The following DPYD variants were observed in gnomAD, a reference collection of about 807,000 sequenced individuals.
DPYD encodes the protein dihydropyrimidine dehydrogenase.
DPYD carries 109 observed loss-of-function variants against 116.2 expected under a neutral mutation model. That is an observed-to-expected ratio of 0.94 (90% CI 0.80 to 1.10). The LOEUF is 1.10. Among genes scored for constraint, DPYD ranks in the 50% least tolerant of loss-of-function variants. The probability of loss-of-function intolerance (pLI) is 0.00; values close to 1 mark genes in which losing one functional copy is unlikely to be tolerated. For missense variants in DPYD, 1,302 were observed against 1,254.5 expected (o/e 1.04, Z -0.57); for synonymous variants, 440 against 432.0 (o/e 1.02, Z -0.23).
chr1:97,821,663 A>G (rs1444653279), intron 3 of DPYD, among the ~76,000 whole-genome samples: 2 of 152,158 alleles, frequency 1.3e-5, no homozygotes, highest in East Asian at 1.9e-4. Flanking sequence ...ATGGCACTAC[A>G]ATAGACTATG....
chr1:97,709,972 T>C (rs1453942953), intron 5 of DPYD, among the ~76,000 whole-genome samples: 1 of 151,844 alleles, frequency 6.6e-6, no homozygotes, highest in Admixed American at 6.6e-5. Context: ...AGAACATCTC[T>C]ACTAGTTGAA....
At chr1:97,242,867 A>G (rs1179044697) in intron 18 of DPYD, among the ~76,000 whole-genome samples, 4 of 151,806 alleles carry the variant, frequency 2.6e-5, no homozygotes, top group Admixed American at 6.6e-5. Context: ...TCTTTCTCAC[A>G]CACATATCAT....
At chr1:97,711,670 T>C (rs964025638) in intron 5 of DPYD, among the ~76,000 whole-genome samples, 13 of 152,044 alleles carry the variant, frequency 8.6e-5, no homozygotes, top group Non-Finnish European at 1.8e-4. Flanking sequence ...ATAAACTTTA[T>C]ACAAATAAAC....
intron 8 of DPYD, among the ~76,000 whole-genome samples, chr1:97,609,554 T>C (rs565144325): frequency 6.6e-6 from 1 of 152,142 alleles, no homozygotes; most frequent in African/African-American, 2.4e-5. Context: ...GGACTAGGTA[T>C]CCTTATGCTC....
intron 19 of DPYD, among the ~76,000 whole-genome samples, chr1:97,224,976 C>A (rs912982783): frequency 6.6e-6 from 1 of 151,444 alleles, no homozygotes; most frequent in African/African-American, 2.4e-5. Flanking sequence ...TATGGGAGTA[C>A]AGATCTATCT....
intron 8 of DPYD, among the ~76,000 whole-genome samples, chr1:97,615,860 G>T (rs1193811188): frequency 6.6e-6 from 1 of 151,986 alleles, no homozygotes; most frequent in Non-Finnish European, 1.5e-5. Flanking sequence ...TTTGAATTCT[G>T]TCCTATAGTG....
At chr1:97,103,018 G>A (rs1650861807) in intron 20 of DPYD, among the ~76,000 whole-genome samples, 1 of 152,070 alleles carries the variant, frequency 6.6e-6, no homozygotes, top group Admixed American at 6.6e-5. Flanking sequence ...TATGGGAGCA[G>A]TGTGGTATAA....
intron 1 of DPYD, chr1:97,883,748 C>A: frequency 2.7e-6 from 1 of 367,572 alleles, no homozygotes; most frequent in Non-Finnish European, 5.2e-6. Context: ...TGTCTGGTAG[C>A]ATTTTTAGGA....
At position 97,289,333 on chromosome 1, in the gene DPYD, G is replaced by T. The variant is rs375160341; in HGVS notation, c.2299+15926C>A. On this transcript the variant is annotated intron_variant, in intron 18 of 22. Transcript: ENST00000370192. ...AAAGAGGGAATCCTCCCTAACTCATGTTATGAGGCCAGCATCATCCTGATA... is the reference window on the plus strand; with the variant it reads ...AAAGAGGGAATCCTCCCTAACTCATTTTATGAGGCCAGCATCATCCTGATA... Among the ~76,000 whole-genome samples the T allele has an allele frequency of 3.0e-4, 46 of 152,228 alleles. 1 individual carries two copies. The East Asian group carries it at 4.6e-3, about 15-fold the overall frequency.
intron 20 of DPYD, among the ~76,000 whole-genome samples, chr1:97,115,428 G>A (rs1377812212): frequency 6.6e-6 from 1 of 152,090 alleles, no homozygotes; most frequent in Admixed American, 6.6e-5. Context: ...AAAATCCTAC[G>A]TGGCCATTTC....
chr1:97,817,220 A>T (rs1399029792), intron 3 of DPYD, among the ~76,000 whole-genome samples: 1 of 152,024 alleles, frequency 6.6e-6, no homozygotes, highest in Non-Finnish European at 1.5e-5. Flanking sequence ...CTAAAAATAC[A>T]TGCTATCTGG....
At chr1:97,301,617 A>G (rs76473287) in intron 18 of DPYD, among the ~76,000 whole-genome samples, 6,225 of 152,128 alleles carry the variant, frequency 0.041, 168 homozygotes, top group Middle Eastern at 0.11. Context: ...ACAAGGAACA[A>G]CAACGAAAAC....
At chr1:97,873,097 A>C (rs1046447482) in intron 2 of DPYD, among the ~76,000 whole-genome samples, 5 of 151,904 alleles carry the variant, frequency 3.3e-5, no homozygotes, top group Non-Finnish European at 7.4e-5. Flanking sequence ...TGTACTGACG[A>C]AACTTGATCG....
At chr1:97,554,237 T>C (rs1322921452) in intron 11 of DPYD, among the ~76,000 whole-genome samples, 1 of 152,134 alleles carries the variant, frequency 6.6e-6, no homozygotes, top group Non-Finnish European at 1.5e-5. Flanking sequence ...GTCACATATG[T>C]AAAAGAGAAA....
At chr1:97,785,245 G>A (rs1336519524) in intron 3 of DPYD, among the ~76,000 whole-genome samples, 1 of 152,042 alleles carries the variant, frequency 6.6e-6, no homozygotes, top group African/African-American at 2.4e-5. Flanking sequence ...TATTTCATTT[G>A]TTATTTTCAT....
At chr1:97,331,935 A>C (rs551833549) in intron 16 of DPYD, among the ~76,000 whole-genome samples, 47 of 152,352 alleles carry the variant, frequency 3.1e-4, no homozygotes, top group Non-Finnish European at 6.2e-4. Context: ...GGATATTCTC[A>C]TCACTGTTTT....
At chr1:97,278,779 G>A (rs964207695) in intron 18 of DPYD, among the ~76,000 whole-genome samples, 2 of 152,136 alleles carry the variant, frequency 1.3e-5, no homozygotes, top group African/African-American at 2.4e-5. Context: ...TGACAGTGCA[G>A]ATAATAATCT....
chr1:97,291,102 G>C (rs1436944118), intron 18 of DPYD, among the ~76,000 whole-genome samples: 1 of 152,152 alleles, frequency 6.6e-6, no homozygotes, highest in African/African-American at 2.4e-5. Flanking sequence ...ATCATCACTG[G>C]CCATCAGAGA....
At chr1:97,543,697 A>C (rs1480248095) in intron 12 of DPYD, among the ~76,000 whole-genome samples, 1 of 126,046 alleles carries the variant, frequency 7.9e-6, no homozygotes, top group Non-Finnish European at 1.8e-5. Flanking sequence ...TGAACTTATC[A>C]TATAACAAAC....
Sources: allele counts gnomAD v4.1 joint callset (sites outside exome capture counted in the v4.1 genomes callset), GRCh38; gene constraint gnomAD v4.1.1; transcripts MANE v1.5; gene names NCBI Gene and HGNC (gene_info 2026-07-23, HGNC 2026-07-21).